Variants in TJP3 observed in about 807,000 individuals in gnomAD.
TJP3 encodes the protein tight junction protein 3, also known as tight junction protein ZO-3.
TJP3 carries 85 observed loss-of-function variants against 104.2 expected under a neutral mutation model. That is an observed-to-expected ratio of 0.82 (90% CI 0.68 to 0.98). The LOEUF is 0.98. Ranked by LOEUF, TJP3 falls within the 50% of genes least tolerant of loss-of-function variation. The pLI is 0.00. For missense variants in TJP3, 1,367 were observed against 1,322.8 expected, an observed-to-expected ratio of 1.03 and a Z score of -0.52; for synonymous variants, 550 against 550.6, an observed-to-expected ratio of 1.00 and a Z score of 0.02.
At chr19:3,748,786 T>C (rs2036943924) in intron 19 of TJP3, among the ~76,000 whole-genome samples, 2 of 149,654 alleles carry the variant, frequency 1.3e-5, no homozygotes, top group South Asian at 4.2e-4. Context: ...CAGGCTGGTC[T>C]GGAACTCCAG....
At chr19:3,723,456 G>A (rs80103500) in intron 1 of TJP3, among the ~76,000 whole-genome samples, 1 of 152,100 alleles carries the variant, frequency 6.6e-6, no homozygotes, top group African/African-American at 2.4e-5. Context: ...CTAACCGATG[G>A]TTAAAGAGAA....
In TJP3 at chr19:3,736,279, G is replaced by A. The variant is rs758431301; in HGVS notation, c.1242G>A (p.Pro414=). The change falls in exon 11 of 21, where the codon CCG becomes CCA. Residue 414 remains proline, a synonymous_variant. Coordinates refer to ENST00000541714, the MANE Select transcript of TJP3 (RefSeq NM_001267560.2). ...TGTCCGGGGTGCAGGCGGGCAGCCC[G>A]GCCGACGGGCAGGGCATCCAGGAGG... ...IFVSGVQAGS[P]ADGQGIQEGD... is the part of the protein sequence containing the mutation. 2.5e-5 allele frequency: 38 copies of A among 1,539,458 alleles called. No individual in the cohort carries two copies. The highest frequency in any genetic ancestry group is 7.6e-5 in the South Asian group (6 of 78,640).
At position 3,735,365 on chromosome 19, in the gene TJP3, AATTTTTGT is replaced by A. The variant is rs2036725129; in HGVS notation, c.987-193_987-186del. 2.0e-5 allele frequency among the ~76,000 whole-genome samples: 3 copies of A among 151,514 alleles called. No individual in the cohort carries two copies. The South Asian group carries it at 6.3e-4, about 32-fold the overall frequency. Reference sequence around the variant, plus strand: ...CAGGCGCCCACCATCATGCCCGGCTAATTTTTGTATTTTTGGAGAGACGGGGTTTAACC... The same window carrying A: ...CAGGCGCCCACCATCATGCCCGGCTAATTTTTGGAGAGACGGGGTTTAACC... On this transcript the variant is annotated intron_variant, in intron 8 of 20. Transcript: ENST00000541714.
In TJP3 at chr19:3,732,072, G is replaced by C. The variant is rs578024596; in HGVS notation, c.717+34G>C. The C allele has an allele frequency of 3.8e-6, 6 of 1,588,544 alleles. No homozygotes were observed. In the South Asian group the frequency reaches 5.6e-5, roughly 15 times the overall value. On this transcript the variant is annotated intron_variant, in intron 6 of 20. Transcript: ENST00000541714. ...GGGCTTCTTGTCCTGAGAGCAGGGA[G>C]ACAAGGCAGGGTTGGGGCGGGCAGT...
At chr19:3,743,021 T>G (rs1366248753) in intron 14 of TJP3, among the ~76,000 whole-genome samples, 4 of 151,444 alleles carry the variant, frequency 2.6e-5, no homozygotes, top group Non-Finnish European at 4.4e-5. Context: ...ATCCCAGCAC[T>G]TTGGGAGGCC....
intron 1 of TJP3, among the ~76,000 whole-genome samples, chr19:3,717,570 G>A (rs991591554): frequency 1.1e-4 from 16 of 151,804 alleles, no homozygotes; most frequent in Admixed American, 3.3e-4. Flanking sequence ...TGAGTAGCTG[G>A]GATTACAGGC....
rs775510633 is a variant in TJP3 at position 3,738,563 on chromosome 19, CG to C, written c.1294del (p.Val432CysfsTer6). 5 of 1,613,014 alleles carry C rather than the reference CG, an allele frequency of 3.1e-6. No individual in the cohort carries two copies. The Admixed American group carries it at 8.3e-5, about 27-fold the overall frequency. On this transcript the variant is annotated frameshift_variant, in exon 12 of 21. Coordinates refer to ENST00000541714, the MANE Select transcript of TJP3 (RefSeq NM_001267560.2). LOFTEE classifies it high-confidence loss of function. The stretch of plus-strand genomic sequence containing the variant: ...CACTTGCTTTCTGGCAGGTGAATGA[CG>C]TGCCATTCCAGAACCTGACACGGGA... Reference protein sequence around the residue: ...EGDQILQVNDVPFQNLTREEA... With the variant: ...EGDQILQVNDXPFQNLTREEA...
intron 19 of TJP3, 84 bp from the exon 20 acceptor site, chr19:3,750,054 G>A: frequency 6.3e-7 from 1 of 1,575,250 alleles, no homozygotes; most frequent in Non-Finnish European, 8.7e-7. Context: ...GGCCAAGGTG[G>A]GGGATGGGAT....
At chr19:3,733,460 TCCCCTGAGA>T (rs1304764590) in intron 6 of TJP3, among the ~76,000 whole-genome samples, 3 of 152,202 alleles carry the variant, frequency 2.0e-5, no homozygotes, top group African/African-American at 7.2e-5. Flanking sequence ...GTTCCTAGTA[TCCCCTGAGA>T]CATTTCCACT....
chr19:3,710,694 G>A (rs1235588267), intron 1 of TJP3, among the ~76,000 whole-genome samples: 2 of 152,114 alleles, frequency 1.3e-5, no homozygotes, highest in Non-Finnish European at 2.9e-5. Flanking sequence ...CCCAGGGAGC[G>A]AACGGGCATT....
chr19:3,727,608 G>A (rs889221312), intron 1 of TJP3, among the ~76,000 whole-genome samples: 3 of 152,094 alleles, frequency 2.0e-5, no homozygotes, highest in African/African-American at 7.2e-5. Flanking sequence ...CTCAGGCGCT[G>A]TTCTAGGCAG....
In TJP3 at chr19:3,730,203, G is replaced by A. The variant is rs2036650498; in HGVS notation, c.261+73G>A. 1.9e-6 allele frequency: 3 copies of A among 1,550,320 alleles called. No individual in the cohort carries two copies. The highest frequency in any genetic ancestry group is 1.7e-5 in the Admixed American group (1 of 59,460). On this transcript the variant is annotated intron_variant, in intron 4 of 20. Transcript: ENST00000541714. This position sits in a 1 kb window ranked among gnomAD's most constrained non-coding sequence, Gnocchi z 7.3. ...GGTCGTGCCGCTGTGGGGGTTGTAA[G>A]CTTCTGAGAGCAAGGAGTCATCTTC...
chr19:3,740,822 T>G, intron 14 of TJP3, 59 bp downstream of exon 14: 1 of 1,429,830 alleles, frequency 7.0e-7, no homozygotes, highest in Non-Finnish European at 9.2e-7. Flanking sequence ...CTGGTGCACC[T>G]GTTCACTAAC....
In TJP3 at chr19:3,728,685, C is replaced by T; in HGVS notation, c.130C>T (p.Pro44Ser). 3.1e-6 allele frequency: 5 copies of T among 1,613,738 alleles called. No homozygotes were observed. The highest frequency in any genetic ancestry group is 4.2e-6 in the Non-Finnish European group (5 of 1,179,986). ...ATCCATGGTTGTATCTGACGTGGTACCTGGAGGGCCGGCGGAGGGCAGGCT... is the reference window on the plus strand; with the variant it reads ...ATCCATGGTTGTATCTGACGTGGTATCTGGAGGGCCGGCGGAGGGCAGGCT... ...GGSMVVSDVV[P>S]GGPAEGRLQT... is the part of the protein sequence containing the mutation. The change falls in exon 3 of 21, where the codon CCT becomes TCT. Residue 44 changes from proline to serine, a missense_variant. Coordinates refer to ENST00000541714, the MANE Select transcript of TJP3 (RefSeq NM_001267560.2).
intron 14 of TJP3, among the ~76,000 whole-genome samples, chr19:3,743,145 T>C (rs1174305908): frequency 1.3e-5 from 2 of 151,588 alleles, no homozygotes; most frequent in Non-Finnish European, 2.9e-5. Context: ...ACGCCTGTAA[T>C]CCCAGCTACT....
chr19:3,711,541 G>T (rs2036433950), intron 1 of TJP3, among the ~76,000 whole-genome samples: 1 of 150,740 alleles, frequency 6.6e-6, no homozygotes, highest in East Asian at 2.0e-4. Flanking sequence ...AAGACATTTG[G>T]CTTTATGATA....
At position 3,732,038 on chromosome 19, in the gene TJP3, G is replaced by A. The variant is rs2036678859; in HGVS notation, c.717G>A (p.Gln239=). The part of the protein sequence containing the change: ...RGLQEGDLIL[Q]INGVSSQNLS... Reference sequence around the variant, plus strand: ...TGCAGGAAGGAGATCTCATTCTACAGGTGAGGCCGGGCTTCTTGTCCTGAG... The same window carrying A: ...TGCAGGAAGGAGATCTCATTCTACAAGTGAGGCCGGGCTTCTTGTCCTGAG... The change falls in exon 6 of 21, where the codon CAG becomes CAA. Residue 239 remains glutamine (Q), a splice_region_variant and synonymous_variant. Transcript: ENST00000541714. 6.2e-7 allele frequency: 1 copy of A among 1,611,108 alleles called. No homozygotes were observed. The highest frequency in any genetic ancestry group is 8.5e-7 in the Non-Finnish European group (1 of 1,179,230).
intron 10 of TJP3, 93 bp downstream of exon 10, chr19:3,736,028 G>T: frequency 6.3e-7 from 1 of 1,586,400 alleles, no homozygotes; most frequent in Non-Finnish European, 8.6e-7. Context: ...TGTATCCATT[G>T]TGTTGAGTGG....
At chr19:3,714,836 C>T (rs1439558482) in intron 1 of TJP3, among the ~76,000 whole-genome samples, 2 of 152,056 alleles carry the variant, frequency 1.3e-5, no homozygotes, top group Non-Finnish European at 2.9e-5. Context: ...CTCCACCTTC[C>T]CTGGGTCCTC....
Sources: allele counts gnomAD v4.1 joint callset (sites outside exome capture counted in the v4.1 genomes callset), GRCh38; gene constraint gnomAD v4.1.1; non-coding constraint Gnocchi (gnomAD v3.1); transcripts MANE v1.5; gene names NCBI Gene and HGNC (gene_info 2026-07-23, HGNC 2026-07-21).